The following SPMIP2 variants were observed in gnomAD, a reference collection of about 807,000 sequenced individuals.
The protein encoded by SPMIP2 is sperm microtubule inner protein 2.
the SPMIP2 span, among the ~76,000 whole-genome samples, chr4:159,058,931 T>C: frequency 1.1e-5 from 1 of 91,168 alleles, no homozygotes; most frequent in Non-Finnish European, 2.6e-5. Flanking sequence ...AATTCCTACT[T>C]TAATTTTAGG....
the SPMIP2 span, chr4:158,905,410 G>GGTAA: frequency 2.0e-5 from 3 of 152,092 alleles, no homozygotes; most frequent in Admixed American, 1.3e-4. Context: ...TGTTTCGGTT[G>GGTAA]GTAAGTTCTT....
chr4:158,955,545 G>A, the SPMIP2 span, among the ~76,000 whole-genome samples: 3 of 152,062 alleles, frequency 2.0e-5, no homozygotes, highest in Admixed American at 6.6e-5. Flanking sequence ...ACCTGGGATC[G>A]CAGGCATGCA....
chr4:159,037,781 TATATACACAC>T, the SPMIP2 span, among the ~76,000 whole-genome samples: 101 of 118,086 alleles, frequency 8.6e-4, no homozygotes, highest in South Asian at 2.8e-3. Flanking sequence ...TCAAAAACAA[TATATACACAC>T]ACACACACAC....
At chr4:159,052,279 T>TA in the SPMIP2 span, among the ~76,000 whole-genome samples, 5 of 152,116 alleles carry the variant, frequency 3.3e-5, no homozygotes, top group Admixed American at 3.3e-4. Context: ...CAAATTCTCT[T>TA]AAAAAATTGG....
chr4:159,000,302 C>T, the SPMIP2 span, among the ~76,000 whole-genome samples: 5 of 151,964 alleles, frequency 3.3e-5, no homozygotes, highest in South Asian at 2.1e-4. Context: ...TTTTTATTTG[C>T]GAAATCAAAC....
At chr4:158,997,996 C>A in the SPMIP2 span, among the ~76,000 whole-genome samples, 3 of 152,042 alleles carry the variant, frequency 2.0e-5, no homozygotes, top group Non-Finnish European at 4.4e-5. Flanking sequence ...GAGGTCAGCA[C>A]ATTTTTTTTT....
At chr4:159,039,838 C>T in the SPMIP2 span, among the ~76,000 whole-genome samples, 1 of 152,224 alleles carries the variant, frequency 6.6e-6, no homozygotes, top group South Asian at 2.1e-4. Flanking sequence ...AACCACTTTA[C>T]CAGTTACAAC....
the SPMIP2 span, among the ~76,000 whole-genome samples, chr4:159,014,628 T>C: frequency 6.6e-6 from 1 of 152,274 alleles, no homozygotes; most frequent in African/African-American, 2.4e-5. Context: ...GCTGTCAGTC[T>C]CTCAGCCACT....
At chr4:158,988,787 T>C in the SPMIP2 span, among the ~76,000 whole-genome samples, 3 of 152,236 alleles carry the variant, frequency 2.0e-5, no homozygotes, top group Admixed American at 2.0e-4. Context: ...TCATACTGAA[T>C]GGCCAAAAAC....
the SPMIP2 span, among the ~76,000 whole-genome samples, chr4:159,016,117 A>T: frequency 6.6e-6 from 1 of 152,238 alleles, no homozygotes; most frequent in Non-Finnish European, 1.5e-5. Context: ...AATTTTAAAA[A>T]ATACCAGTAT....
At chr4:158,985,982 C>G in the SPMIP2 span, among the ~76,000 whole-genome samples, 3 of 146,682 alleles carry the variant, frequency 2.0e-5, no homozygotes, top group African/African-American at 7.5e-5. Context: ...CATTCTTATA[C>G]ACCAACAACA....
chr4:159,072,427 T>C, the SPMIP2 span, among the ~76,000 whole-genome samples: 14 of 151,500 alleles, frequency 9.2e-5, no homozygotes, highest in East Asian at 2.3e-3. Context: ...GTTTTAATGA[T>C]GCTCATTGTT....
the SPMIP2 span, among the ~76,000 whole-genome samples, chr4:158,900,016 A>G: frequency 2.0e-5 from 3 of 152,198 alleles, no homozygotes; most frequent in Non-Finnish European, 4.4e-5. Context: ...ACACTGCTTT[A>G]AATGTGTCCT....
At chr4:158,906,207 G>C in the SPMIP2 span, 6 of 152,118 alleles carry the variant, frequency 3.9e-5, no homozygotes, top group African/African-American at 1.4e-4. Flanking sequence ...ATCATTGTTT[G>C]CTGTTGTGTT....
chr4:158,929,666 T>G, the SPMIP2 span, among the ~76,000 whole-genome samples: 1 of 152,208 alleles, frequency 6.6e-6, no homozygotes, highest in Non-Finnish European at 1.5e-5. Context: ...ATGAAAAACT[T>G]TGCTTCAGTA....
At chr4:158,929,674 G>A in the SPMIP2 span, among the ~76,000 whole-genome samples, 2 of 152,014 alleles carry the variant, frequency 1.3e-5, no homozygotes, top group African/African-American at 4.8e-5. Flanking sequence ...CTTTGCTTCA[G>A]TATAACTCCA....
the SPMIP2 span, among the ~76,000 whole-genome samples, chr4:159,060,210 T>C: frequency 8.5e-5 from 13 of 152,206 alleles, no homozygotes; most frequent in African/African-American, 2.9e-4. Flanking sequence ...GACTCAAGAA[T>C]TGGAACTTTA....
the SPMIP2 span, among the ~76,000 whole-genome samples, chr4:159,058,701 A>G: frequency 1.5e-4 from 23 of 152,242 alleles, no homozygotes; most frequent in Non-Finnish European, 3.1e-4. Context: ...ATAAATAGCT[A>G]CAAAAGAAAT....
chr4:159,082,436 A>C, the SPMIP2 span, among the ~76,000 whole-genome samples: 1 of 133,368 alleles, frequency 7.5e-6, no homozygotes, highest in East Asian at 2.5e-4. Context: ...AAATCTAACA[A>C]TTCCACTTTT....
Sources: allele counts gnomAD v4.1 joint callset (sites outside exome capture counted in the v4.1 genomes callset), GRCh38; gene constraint gnomAD v4.1.1; transcripts MANE v1.5; gene names NCBI Gene and HGNC (gene_info 2026-07-23, HGNC 2026-07-21).